Variants in ZFHX3 observed in about 807,000 individuals in gnomAD.
The protein encoded by ZFHX3 is zinc finger homeobox 3.
A neutral mutation model predicts 279.1 loss-of-function variants in ZFHX3; 42 were observed. The observed-to-expected ratio is 0.15, with a 90% CI of 0.12 to 0.19. The LOEUF (loss-of-function observed/expected upper bound fraction) is 0.19. Among genes scored for constraint, ZFHX3 ranks in the 10% least tolerant of loss-of-function variants. The probability of loss-of-function intolerance (pLI) is 1.00; values close to 1 mark genes in which losing one functional copy is unlikely to be tolerated. For missense variants in ZFHX3, 4,981 were observed against 4,754.0 expected (o/e 1.05, Z -1.40); for synonymous variants, 2,293 against 1,957.8 (o/e 1.17, Z -4.52).
upstream of ZFHX3, among the ~76,000 whole-genome samples, chr16:73,052,033 G>A (rs1017605306): frequency 6.6e-6 from 1 of 152,092 alleles, no homozygotes; most frequent in Admixed American, 6.5e-5. Context: ...AGTAAAAAGA[G>A]GTGGGCTCCT....
At position 72,783,092 on chromosome 16, in the gene ZFHX3, T is replaced by C. The variant is rs549793036; in HGVS notation, c.*4072A>G. The C allele has an allele frequency of 2.0e-5, 3 of 152,738 alleles. No individual in the cohort carries two copies. The highest frequency in any genetic ancestry group is 1.3e-4 in the Admixed American group (2 of 15,294). 9.5% of individuals were successfully genotyped at this position (152,738 alleles called of 1,614,324 possible). A position where few individuals can be genotyped will look rare whatever the true frequency, so the allele number is the denominator to read the frequency against. On this transcript the variant is annotated 3_prime_UTR_variant, in exon 10 of 10. Coordinates refer to ENST00000268489, the MANE Select transcript of ZFHX3 (RefSeq NM_006885.4). Reference sequence around the variant, plus strand: ...ATTTTGGTACAGTTCGAGATCAGCATTGTTACAGTAACAAAAAAGCTAACA... The same window carrying C: ...ATTTTGGTACAGTTCGAGATCAGCACTGTTACAGTAACAAAAAAGCTAACA...
intron 7 of ZFHX3, chr16:73,127,293 A>C: frequency 7.9e-7 from 1 of 1,265,630 alleles, no homozygotes. Context: ...ACAGGCAGAG[A>C]AGAGGGAAGA....
intron 2 of ZFHX3, among the ~76,000 whole-genome samples, chr16:73,602,807 C>T (rs908413372): frequency 2.7e-5 from 4 of 149,758 alleles, no homozygotes; most frequent in African/African-American, 7.5e-5. Context: ...ATTAGCCGGT[C>T]GTGGTAGCGG....
chr16:73,668,360 G>T (rs2052867101), intron 2 of ZFHX3, among the ~76,000 whole-genome samples: 1 of 151,702 alleles, frequency 6.6e-6, no homozygotes, highest in Admixed American at 6.6e-5. Context: ...GAACGTGCAG[G>T]TTTGTTACAT....
At chr16:73,055,690 G>GCA (rs1202258646) in intron 1 of ZFHX3, among the ~76,000 whole-genome samples, 57 of 91,256 alleles carry the variant, frequency 6.2e-4, no homozygotes, top group African/African-American at 1.9e-3. Context: ...GCGCGCGCGC[G>GCA]CGCGCGCGCA....
At position 72,793,150 on chromosome 16, in the gene ZFHX3, C is replaced by T; in HGVS notation, c.9427+105G>A. The T allele has an allele frequency of 6.6e-7, 1 of 1,504,896 alleles. No homozygotes were observed. Among genetic ancestry groups the T allele is most frequent in the Non-Finnish European group, 8.9e-7 (1 of 1,128,536 alleles). The allele number at this position is 1,504,896 out of a possible 1,614,324, so 93.2% of individuals were successfully genotyped here. ...GCTTTTAAAGAACTAGAAAGGTAAG[C>T]TTCCCATCTGCCCAGCACTCAGAGG... On this transcript the variant is annotated intron_variant, in intron 9 of 9. Transcript: ENST00000268489. The surrounding 1 kb of genome is among the most constrained non-coding windows in gnomAD (Gnocchi z 4.3).
At position 73,495,042 on chromosome 16, in the gene ZFHX3, CAG is replaced by C. The variant is rs375783376; in HGVS notation, c.-1546-38786_-1546-38785del. Among the ~76,000 whole-genome samples the C allele has an allele frequency of 3.5e-4, 54 of 152,318 alleles. No individual in the cohort carries two copies. In the East Asian group the frequency reaches 6.0e-3, roughly 17 times the overall value. On this transcript the variant is annotated intron_variant, in intron 2 of 17. Coordinates refer to the ZFHX3 transcript ENST00000641206. Reference sequence around the variant, plus strand: ...CCTGGCAGGGGAGGAAACAGCATAACAGGGAATTTATTTAGTGTGTGTCTGCA... The same window carrying C: ...CCTGGCAGGGGAGGAAACAGCATAACGGAATTTATTTAGTGTGTGTCTGCA...
At chr16:73,024,937 A>T (rs1427179087) in intron 1 of ZFHX3, among the ~76,000 whole-genome samples, 1 of 152,114 alleles carries the variant, frequency 6.6e-6, no homozygotes, top group Non-Finnish European at 1.5e-5. Flanking sequence ...CTACTCCCCA[A>T]CACAATACCC....
intron 1 of ZFHX3, among the ~76,000 whole-genome samples, chr16:73,861,968 G>A (rs1310078324): frequency 1.3e-5 from 2 of 152,186 alleles, no homozygotes; most frequent in Non-Finnish European, 2.9e-5. Flanking sequence ...ATCTCTGGAA[G>A]CTCCTTTCCA....
intron 4 of ZFHX3, among the ~76,000 whole-genome samples, chr16:72,866,131 C>A (rs1047123533): frequency 1.3e-5 from 2 of 152,176 alleles, no homozygotes. Flanking sequence ...TCTGGCAGGG[C>A]TCTGTCCTAA....
At chr16:72,919,571 T>C (rs981623138) in intron 3 of ZFHX3, among the ~76,000 whole-genome samples, 1 of 152,010 alleles carries the variant, frequency 6.6e-6, no homozygotes, top group African/African-American at 2.4e-5. Flanking sequence ...TTGTTTTTTT[T>C]TAAGGCAGTA....
intron 7 of ZFHX3, among the ~76,000 whole-genome samples, chr16:73,129,063 A>T (rs925716805): frequency 2.0e-5 from 3 of 152,100 alleles, no homozygotes; most frequent in Admixed American, 6.6e-5. Context: ...CACTGACCCC[A>T]GATGACCGGT....
chr16:72,857,640 G>A (rs917184804), intron 4 of ZFHX3, among the ~76,000 whole-genome samples: 6 of 152,182 alleles, frequency 3.9e-5, no homozygotes, highest in South Asian at 4.1e-4. Flanking sequence ...AACCGCGATC[G>A]TGCCACTGCA....
At chr16:73,184,482 G>C (rs901247071) in intron 5 of ZFHX3, among the ~76,000 whole-genome samples, 2 of 152,204 alleles carry the variant, frequency 1.3e-5, no homozygotes, top group African/African-American at 4.8e-5. Flanking sequence ...TTCTAAGCCA[G>C]GAGGTGCTCT....
chr16:72,932,454 G>A (rs1959868849), intron 3 of ZFHX3, among the ~76,000 whole-genome samples: 1 of 150,926 alleles, frequency 6.6e-6, no homozygotes, highest in Non-Finnish European at 1.5e-5. Flanking sequence ...AGGAGATGGA[G>A]ATATCCCTTT....
chr16:73,100,394 T>C lies in ZFHX3; in HGVS notation c.-896-6796A>G, dbSNP rs549698464. On this transcript the variant is annotated intron_variant, in intron 7 of 17. Transcript: ENST00000641206. ...AGACGATCTCACCAACGGGCATGCC[T>C]TTTTCTTTGATCTGGCCCAGGTTTG... Among the ~76,000 whole-genome samples the C allele has an allele frequency of 2.0e-5, 3 of 152,252 alleles. No homozygotes were observed. The South Asian group carries it at 6.2e-4, about 32-fold the overall frequency.
chr16:72,995,026 A>C (rs1249059603), intron 1 of ZFHX3, among the ~76,000 whole-genome samples: 1 of 152,122 alleles, frequency 6.6e-6, no homozygotes, highest in Non-Finnish European at 1.5e-5. Context: ...CTTCCCCGTA[A>C]TCTGCTCCTA....
At chr16:73,841,865 C>A (rs191979147) in intron 1 of ZFHX3, among the ~76,000 whole-genome samples, 1 of 152,210 alleles carries the variant, frequency 6.6e-6, no homozygotes, top group Non-Finnish European at 1.5e-5. Flanking sequence ...TGCACATGAG[C>A]GCATAGTCTG....
At chr16:73,812,608 C>T (rs1960455887) in intron 1 of ZFHX3, 1 of 152,316 alleles carries the variant, frequency 6.6e-6, no homozygotes, top group African/African-American at 2.4e-5. Context: ...TACTAGCTGC[C>T]TGCCCCTCTG....
Sources: gnomAD v4.1 joint callset for allele counts (sites outside exome capture counted in the v4.1 genomes callset) on GRCh38, gnomAD v4.1.1 for gene constraint, Gnocchi (gnomAD v3.1) non-coding constraint, MANE v1.5 for transcripts, NCBI Gene and HGNC (gene_info 2026-07-23, HGNC 2026-07-21) for gene names.